SOCS6: variants seen among roughly 807,000 people sequenced by gnomAD.
SOCS6 encodes suppressor of cytokine signaling 6, also known as STAT induced STAT inhibitor-4.
SOCS6 carries 5 observed loss-of-function variants against 27.7 expected under a neutral mutation model. The observed-to-expected ratio is 0.18, with a 90% CI of 0.09 to 0.38. SOCS6 has a LOEUF of 0.38. Among genes scored for constraint, SOCS6 ranks in the 10% least tolerant of loss-of-function variants. The pLI is 1.00. For synonymous variants in SOCS6, 271 were observed against 260.0 expected (o/e 1.04, Z -0.41); for missense variants, 595 against 688.1 (o/e 0.86, Z 1.51).
intron 1 of SOCS6, among the ~76,000 whole-genome samples, chr18:70,306,422 G>A (rs1299508682): frequency 7.2e-6 from 1 of 139,848 alleles, no homozygotes; most frequent in Non-Finnish European, 1.5e-5. Context: ...GGCGGAGATT[G>A]CAGTGAGCTG....
Position 70,324,666 on chromosome 18 carries a change from A to G in SOCS6, c.-3A>G, listed in dbSNP as rs1911118666. On this transcript the variant is annotated 5_prime_UTR_variant, in exon 2 of 2. Coordinates refer to ENST00000397942, the MANE Select transcript of SOCS6 (RefSeq NM_004232.4). ...GATCCCTTGGATTAGGTAACTAGTCATAATGAAGAAAATTAGTCTTAAAAC... is the reference window on the plus strand; with the variant it reads ...GATCCCTTGGATTAGGTAACTAGTCGTAATGAAGAAAATTAGTCTTAAAAC... The G allele has an allele frequency of 1.3e-6, 2 of 1,548,416 alleles. No homozygotes were observed. The highest frequency in any genetic ancestry group is 1.8e-6 in the Non-Finnish European group (2 of 1,134,686).
chr18:70,291,780 G>A (rs1485336987), intron 1 of SOCS6, among the ~76,000 whole-genome samples: 1 of 152,042 alleles, frequency 6.6e-6, no homozygotes, highest in African/African-American at 2.4e-5. Flanking sequence ...TACATCTGTG[G>A]TGCCGAAGTA....
intron 1 of SOCS6, among the ~76,000 whole-genome samples, chr18:70,320,773 C>T (rs1156292062): frequency 6.6e-6 from 1 of 152,156 alleles, no homozygotes; most frequent in African/African-American, 2.4e-5. Context: ...ACAGGGGATC[C>T]TGGGATGTAT....
intron 1 of SOCS6, among the ~76,000 whole-genome samples, chr18:70,318,922 G>A (rs1910874170): frequency 6.6e-6 from 1 of 151,630 alleles, no homozygotes; most frequent in South Asian, 2.1e-4. Context: ...GGCGACGCGA[G>A]CAAGATTCCG....
intron 1 of SOCS6, among the ~76,000 whole-genome samples, chr18:70,297,237 T>C (rs987629416): frequency 4.6e-5 from 7 of 152,318 alleles, no homozygotes; most frequent in African/African-American, 1.7e-4. Flanking sequence ...TCCAGTTTGT[T>C]TTAGCCACTT....
intron 1 of SOCS6, among the ~76,000 whole-genome samples, chr18:70,321,486 A>ATTTTTTTTTTTTTTT (rs765150837): frequency 2.4e-4 from 27 of 112,650 alleles, no homozygotes; most frequent in African/African-American, 9.6e-4. Flanking sequence ...ATGCCTGGCT[A>ATTTTTTTTTTTTTTT]TTTTTTTTTT....
chr18:70,321,293 T>G (rs1246621132), intron 1 of SOCS6, among the ~76,000 whole-genome samples: 1 of 135,858 alleles, frequency 7.4e-6, no homozygotes, highest in African/African-American at 2.7e-5. Flanking sequence ...AATAAATAAA[T>G]AAATAACAAA....
chr18:70,322,050 T>C (rs1911013407), intron 1 of SOCS6, among the ~76,000 whole-genome samples: 1 of 152,210 alleles, frequency 6.6e-6, no homozygotes. Context: ...TAAGAAAAGG[T>C]TGAAATTATT....
Position 70,324,679 on chromosome 18 carries a change from T to C in SOCS6, c.11T>C (p.Ile4Thr). The C allele has an allele frequency of 6.4e-7, 1 of 1,571,038 alleles. No homozygotes were observed. Among genetic ancestry groups the C allele is most frequent in the Non-Finnish European group, 8.7e-7 (1 of 1,153,410 alleles). MKK[I>T]SLKTLRKSFN... The stretch of plus-strand genomic sequence containing the variant: ...AGGTAACTAGTCATAATGAAGAAAA[T>C]TAGTCTTAAAACCTTACGGAAATCT... The change falls in exon 2 of 2, where the codon ATT becomes ACT. Residue 4 changes from isoleucine to threonine, a missense_variant. Ile to Thr is a moderately conservative substitution (Grantham distance 89, BLOSUM62 -1). Around this residue, in one of 2 missense-constraint regions of SOCS6, gnomAD observed 467 missense variants for 481.1 expected, o/e 0.97. Coordinates refer to ENST00000397942, the MANE Select transcript of SOCS6 (RefSeq NM_004232.4).
In SOCS6 at chr18:70,324,792, T is replaced by G; in HGVS notation, c.124T>G (p.Leu42Val). 1 of 1,614,214 alleles carries G rather than the reference T, an allele frequency of 6.2e-7. No homozygotes were observed. The highest frequency in any genetic ancestry group is 8.5e-7 in the Non-Finnish European group (1 of 1,180,030). ...CAGTGACTTTGGAAAAGATGATTCC[T>G]TATTTGGTAGCTGCTATGGTAAAGA... ...LASDFGKDDS[L>V]FGSCYGKDMA... The change falls in exon 2 of 2, where the codon TTA becomes GTA. Residue 42 changes from leucine (L) to valine (V), a missense_variant. Leu to Val is a conservative substitution (Grantham distance 32). This residue lies in a region of SOCS6 where 467 missense variants were observed against 481.1 expected (regional missense o/e 0.97). Transcript: ENST00000397942.
At position 70,327,592 on chromosome 18, in the gene SOCS6, C is replaced by G. The variant is rs1911258106; in HGVS notation, c.*1316C>G. 6.0e-6 allele frequency: 1 copy of G among 166,812 alleles called. No homozygotes were observed. Among genetic ancestry groups the G allele is most frequent in the Non-Finnish European group, 1.5e-5 (1 of 68,064 alleles). The allele number at this position is 166,812 out of a possible 1,614,324, so 10.3% of individuals were successfully genotyped here. On this transcript the variant is annotated 3_prime_UTR_variant, in exon 2 of 2. Coordinates refer to ENST00000397942, the MANE Select transcript of SOCS6 (RefSeq NM_004232.4). ...TTGCCGTTGCTAATAATTTTATCTC[C>G]TTGAGTCGGTTGTTGGGGAGAGATG...
intron 1 of SOCS6, among the ~76,000 whole-genome samples, chr18:70,302,304 G>C (rs138010703): frequency 1.8e-3 from 270 of 152,142 alleles, no homozygotes; most frequent in Non-Finnish European, 3.0e-3. Flanking sequence ...CATCTGCTGC[G>C]ATATTAAATG....
chr18:70,292,889 A>T (rs1362376382), intron 1 of SOCS6, among the ~76,000 whole-genome samples: 1 of 152,202 alleles, frequency 6.6e-6, no homozygotes, highest in African/African-American at 2.4e-5. Flanking sequence ...TCTTAATGCC[A>T]GTGGCACCAC....
rs1911314629 is a variant in SOCS6 at position 70,328,978 on chromosome 18, C to T, written c.*2702C>T. The T allele has an allele frequency of 6.0e-6, 1 of 166,990 alleles. No individual in the cohort carries two copies. Among genetic ancestry groups the T allele is most frequent in the Admixed American group, 6.6e-5 (1 of 15,266 alleles). The allele number at this position is 166,990 out of a possible 1,614,324, so 10.3% of individuals were successfully genotyped here. ...AAATACGTGCTTCTAAAAATCTGAG[C>T]TCAAAGCAAGAAAAAGAAAACAGGA... is the stretch of plus-strand genomic sequence containing the variant. On this transcript the variant is annotated 3_prime_UTR_variant, in exon 2 of 2. Coordinates refer to ENST00000397942, the MANE Select transcript of SOCS6 (RefSeq NM_004232.4).
chr18:70,306,333 G>C (rs959844596), intron 1 of SOCS6, among the ~76,000 whole-genome samples: 6 of 151,848 alleles, frequency 4.0e-5, no homozygotes, highest in Non-Finnish European at 8.8e-5. Context: ...AATTAGCTGG[G>C]TGTGGTGGCG....
intron 1 of SOCS6, among the ~76,000 whole-genome samples, chr18:70,314,604 A>T (rs2062404020): frequency 6.6e-6 from 1 of 152,158 alleles, no homozygotes. Flanking sequence ...AGTTTGTGTA[A>T]ATCCACTCTA....
chr18:70,296,209 T>A lies in SOCS6; in HGVS notation c.-127+7119T>A, dbSNP rs547523376. Among the ~76,000 whole-genome samples the A allele has an allele frequency of 2.0e-5, 3 of 152,282 alleles. No individual in the cohort carries two copies. In the South Asian group the frequency reaches 6.2e-4, roughly 32 times the overall value. ...GATGACTTTTTTTTTGAGCCTTGTGTGTCAGAAAATGTCTATGTTCTAAGT... is the reference window on the plus strand; with the variant it reads ...GATGACTTTTTTTTTGAGCCTTGTGAGTCAGAAAATGTCTATGTTCTAAGT... On this transcript the variant is annotated intron_variant, in intron 1 of 1. Transcript: ENST00000397942.
At chr18:70,291,554 A>G (rs1324092484) in intron 1 of SOCS6, among the ~76,000 whole-genome samples, 1 of 152,216 alleles carries the variant, frequency 6.6e-6, no homozygotes, top group Non-Finnish European at 1.5e-5. Flanking sequence ...TAAAAGTCCA[A>G]ACATATAGAT....
chr18:70,311,986 C>T (rs978930677), intron 1 of SOCS6, among the ~76,000 whole-genome samples: 5 of 152,124 alleles, frequency 3.3e-5, no homozygotes, highest in African/African-American at 1.2e-4. Context: ...TTCAGCTTCC[C>T]CATCTATACA....
Sources: allele counts gnomAD v4.1 joint callset (sites outside exome capture counted in the v4.1 genomes callset), GRCh38; gene constraint gnomAD v4.1.1; regional missense constraint gnomAD v4.1.1; transcripts MANE v1.5; gene names NCBI Gene and HGNC (gene_info 2026-07-23, HGNC 2026-07-21).